PADI4: variants seen among roughly 807,000 people sequenced by gnomAD.
PADI4 encodes peptidyl arginine deiminase 4.
PADI4 carries 62 observed loss-of-function variants against 75.0 expected under a neutral mutation model. The ratio of observed to expected loss-of-function variants is 0.83; its 90% CI spans 0.67 to 1.02. The LOEUF is 1.02. PADI4 is among the 50% of genes least tolerant of loss of function. PADI4 has a pLI of 0.00. For missense variants in PADI4, 845 were observed against 850.5 expected (o/e 0.99, Z 0.08); for synonymous variants, 361 against 348.1 (o/e 1.04, Z -0.41).
intron 5 of PADI4, among the ~76,000 whole-genome samples, chr1:17,338,816 G>T (rs564591091): frequency 6.6e-6 from 1 of 152,330 alleles, no homozygotes; most frequent in African/African-American, 2.4e-5. Context: ...TGCGCTGGAG[G>T]AAGGTGCTAA....
chr1:17,340,194 G>A (rs2074392744), intron 6 of PADI4, among the ~76,000 whole-genome samples: 1 of 152,104 alleles, frequency 6.6e-6, no homozygotes, highest in African/African-American at 2.4e-5. Flanking sequence ...ACGAGCACCT[G>A]CAACTAAGTA....
At chr1:17,358,806 A>C (rs2074803607) in intron 13 of PADI4, 32 bp from the exon 14 acceptor site, 1 of 1,486,290 alleles carries the variant, frequency 6.7e-7, no homozygotes, top group Non-Finnish European at 9.3e-7. Flanking sequence ...CTCTAAGTTC[A>C]TTTGCCTTTT....
In PADI4 at chr1:17,346,152, C is replaced by T. The variant is rs369211053; in HGVS notation, c.1047+13C>T. On this transcript the variant is annotated intron_variant, in intron 9 of 15. Transcript: ENST00000375448. This position sits in a 1 kb window ranked among gnomAD's most constrained non-coding sequence, Gnocchi z 4.3. ...CCAGTGGATGCAGGTATGTGCCCTG[C>T]GGGGCAGGCAGGGTGACTGTCCCTG... is the stretch of plus-strand genomic sequence containing the variant. 330 of 1,556,962 alleles carry T rather than the reference C, an allele frequency of 2.1e-4. 1 individual carries two copies. The highest frequency in any genetic ancestry group is 7.0e-4 in the Middle Eastern group (4 of 5,676).
chr1:17,354,116 G>T (rs1282759152), intron 10 of PADI4, among the ~76,000 whole-genome samples: 2 of 151,960 alleles, frequency 1.3e-5, no homozygotes, highest in Non-Finnish European at 2.9e-5. Flanking sequence ...TGGGCGTGGT[G>T]GGGCGTGCCT....
At chr1:17,321,512 A>G (rs1557544218) in intron 1 of PADI4, among the ~76,000 whole-genome samples, 1 of 152,272 alleles carries the variant, frequency 6.6e-6, no homozygotes, top group Non-Finnish European at 1.5e-5. Flanking sequence ...ACGTGTGGAA[A>G]GAATGTGAAC....
rs1243407737 is a variant in PADI4, at chr1:17,354,512, CA to C, written c.1156-20del. On this transcript the variant is annotated intron_variant, in intron 10 of 15. Transcript: ENST00000375448. ...GGGACCTCATTCCTCTAACTCTTGG[CA>C]CTCCCTTCTCCTATCTCAGGGTCCA... 2.5e-6 allele frequency: 4 copies of C among 1,613,112 alleles called. No individual in the cohort carries two copies. The African/African-American group carries it at 4.0e-5, about 16-fold the overall frequency.
At chr1:17,335,272 C>T (rs1451556866) in intron 3 of PADI4, among the ~76,000 whole-genome samples, 1 of 152,102 alleles carries the variant, frequency 6.6e-6, no homozygotes, top group Admixed American at 6.6e-5. Context: ...TACTCAATTG[C>T]CAGGCACTGT....
At chr1:17,344,962 AT>A (rs1161902148) in intron 8 of PADI4, among the ~76,000 whole-genome samples, 1 of 152,180 alleles carries the variant, frequency 6.6e-6, no homozygotes, top group Non-Finnish European at 1.5e-5. Flanking sequence ...AGAAGGGTAG[AT>A]CCACTGACAG....
intron 6 of PADI4, among the ~76,000 whole-genome samples, chr1:17,340,496 G>C (rs1052294678): frequency 3.3e-5 from 5 of 152,094 alleles, no homozygotes; most frequent in Non-Finnish European, 7.4e-5. Flanking sequence ...AGACACCTAG[G>C]GGAAGGGCGT....
At chr1:17,353,117 G>A (rs553375977) in intron 10 of PADI4, among the ~76,000 whole-genome samples, 2 of 152,238 alleles carry the variant, frequency 1.3e-5, no homozygotes, top group South Asian at 4.2e-4. Flanking sequence ...GAAGCGGGTT[G>A]GTCTGGGTTT....
intron 10 of PADI4, among the ~76,000 whole-genome samples, chr1:17,351,626 A>G (rs1458782241): frequency 6.6e-6 from 1 of 151,176 alleles, no homozygotes; most frequent in East Asian, 1.9e-4. Context: ...AAAAAAAAAA[A>G]AAAAAAGATT....
chr1:17,332,986 G>A (rs184994171), intron 2 of PADI4, among the ~76,000 whole-genome samples: 3 of 152,274 alleles, frequency 2.0e-5, no homozygotes, highest in Admixed American at 1.3e-4. Flanking sequence ...AGTTCTGTAT[G>A]GCAAGAAAGG....
At chr1:17,315,753 C>T (rs896700746) in intron 1 of PADI4, among the ~76,000 whole-genome samples, 6 of 151,902 alleles carry the variant, frequency 3.9e-5, no homozygotes, top group African/African-American at 1.5e-4. Flanking sequence ...CTGCTGTGAC[C>T]CACACCCTTT....
At chr1:17,345,524 T>C (rs1259294848) in intron 8 of PADI4, among the ~76,000 whole-genome samples, 1 of 152,206 alleles carries the variant, frequency 6.6e-6, no homozygotes, top group Admixed American at 6.5e-5. Context: ...TGTACTCCCA[T>C]AATTCCCAAG....
intron 6 of PADI4, among the ~76,000 whole-genome samples, chr1:17,341,621 G>A (rs1037650443): frequency 2.6e-5 from 4 of 152,320 alleles, no homozygotes; most frequent in Admixed American, 2.6e-4. Context: ...GTCCCCTGCT[G>A]TGCCCCTGTC....
Position 17,356,080 on chromosome 1 carries a change from G to A in PADI4, c.1408G>A (p.Gly470Ser). Residue 470 changes from glycine (G) to serine (S), a missense_variant, in exon 12 of 16, where the codon GGC becomes AGC. Physicochemically the swap from Gly to Ser is moderately conservative, Grantham distance 56. Transcript: ENST00000375448. This position sits in a 1 kb window ranked among gnomAD's most constrained non-coding sequence, Gnocchi z 4.1. ...GCTCTATTCTGACTGGCTGTCCGTG[G>A]GCCACGTGGACGAGTTCCTGAGCTT... ...VKLYSDWLSVGHVDEFLSFVP... is the reference protein window; with the variant it reads ...VKLYSDWLSVSHVDEFLSFVP... The A allele has an allele frequency of 6.2e-7, 1 of 1,614,184 alleles. No individual in the cohort carries two copies. The highest frequency in any genetic ancestry group is 1.3e-5 in the African/African-American group (1 of 75,056).
intron 8 of PADI4, 70 bp from the exon 9 acceptor site, chr1:17,345,958 C>A: frequency 9.8e-7 from 1 of 1,015,384 alleles, no homozygotes; most frequent in Non-Finnish European, 1.5e-6. Flanking sequence ...ACCTGTGTGT[C>A]CCTCCCAATC....
At chr1:17,362,349 C>A in intron 15 of PADI4, among the ~76,000 whole-genome samples, 1 of 63,432 alleles carries the variant, frequency 1.6e-5, no homozygotes, top group Admixed American at 1.7e-4. Flanking sequence ...AAGACCCTGT[C>A]TCAAAAAAAA....
intron 3 of PADI4, 52 bp downstream of exon 3, chr1:17,334,061 T>A: frequency 1.8e-6 from 2 of 1,121,334 alleles, no homozygotes; most frequent in Non-Finnish European, 2.7e-6. Context: ...GCCCACCTCC[T>A]AATCCCTGCA....
Sources: allele counts gnomAD v4.1 joint callset (sites outside exome capture counted in the v4.1 genomes callset), GRCh38; gene constraint gnomAD v4.1.1; non-coding constraint Gnocchi (gnomAD v3.1); transcripts MANE v1.5; gene names NCBI Gene and HGNC (gene_info 2026-07-23, HGNC 2026-07-21).